The following WDR19 variants were observed in gnomAD, a reference collection of about 807,000 sequenced individuals.
WDR19 encodes the protein WD repeat-containing protein 19.
In WDR19, 121 loss-of-function variants were observed where a neutral mutation model predicts 180.0. That is an observed-to-expected ratio of 0.67 (90% CI 0.58 to 0.78). The LOEUF (loss-of-function observed/expected upper bound fraction) is 0.78. Ranked by LOEUF, WDR19 falls within the 30% of genes least tolerant of loss-of-function variation. The pLI is 0.00. For missense variants in WDR19, 1,450 were observed against 1,640.7 expected, an observed-to-expected ratio of 0.88 and a Z score of 2.01; for synonymous variants, 497 against 540.7, an observed-to-expected ratio of 0.92 and a Z score of 1.12.
chr4:39,266,267 A>G (rs974335059), intron 29 of WDR19, 127 bp downstream of exon 29: 9 of 671,448 alleles, frequency 1.3e-5, no homozygotes, highest in African/African-American at 6.7e-5. Flanking sequence ...AGTGTAGATC[A>G]TCTAGACCAG....
At position 39,228,518 on chromosome 4, in the gene WDR19, G is replaced by A; in HGVS notation, c.1810G>A (p.Val604Ile). 6.2e-7 allele frequency: 1 copy of A among 1,613,892 alleles called. No individual in the cohort carries two copies. Among genetic ancestry groups the A allele is most frequent in the Non-Finnish European group, 8.5e-7 (1 of 1,179,812 alleles). ...GGTTATTTTGGCTGGTAGCACCAAA[G>A]TTCCTTTTGCTCATAAACCTTTGCT... ...AKVILAGSTKVPFAHKPLLLY... is the reference protein window; with the variant it reads ...AKVILAGSTKIPFAHKPLLLY... Residue 604 changes from valine (V) to isoleucine (I), a missense_variant, in exon 17 of 37, where the codon GTT becomes ATT. Coordinates refer to ENST00000399820, the MANE Select transcript of WDR19 (RefSeq NM_025132.4).
At chr4:39,214,549 G>A (rs977813748) in intron 9 of WDR19, 52 bp from the exon 10 acceptor site, 2 of 1,110,418 alleles carry the variant, frequency 1.8e-6, no homozygotes, top group Admixed American at 2.3e-5. Flanking sequence ...AATTAAAACA[G>A]TTTTATATAA....
At chr4:39,203,485 G>GT (rs1486455354) in intron 6 of WDR19, among the ~76,000 whole-genome samples, 157 bp from the exon 7 acceptor site, 1 of 151,922 alleles carries the variant, frequency 6.6e-6, no homozygotes, top group African/African-American at 2.4e-5. Context: ...TATATTTTCT[G>GT]TTTCATCTAG....
At chr4:39,248,318 C>T (rs1371257344) in intron 24 of WDR19, among the ~76,000 whole-genome samples, 1 of 152,110 alleles carries the variant, frequency 6.6e-6, no homozygotes, top group Non-Finnish European at 1.5e-5. Context: ...ATGTTGTCAC[C>T]ACCAGGCCTT....
At chr4:39,215,567 CAA>C (rs1728984420) in intron 10 of WDR19, among the ~76,000 whole-genome samples, 1 of 152,052 alleles carries the variant, frequency 6.6e-6, no homozygotes, top group South Asian at 2.1e-4. Context: ...CACACAACAA[CAA>C]AGTCACCTAA....
chr4:39,247,798 T>C (rs1464134927), intron 24 of WDR19, among the ~76,000 whole-genome samples: 1 of 152,044 alleles, frequency 6.6e-6, no homozygotes, highest in East Asian at 1.9e-4. Context: ...AAGAGAAGTT[T>C]AGAGAAAAAA....
At chr4:39,272,223 G>A (rs1735445993) in intron 31 of WDR19, among the ~76,000 whole-genome samples, 1 of 152,188 alleles carries the variant, frequency 6.6e-6, no homozygotes, top group Non-Finnish European at 1.5e-5. Flanking sequence ...GAAACACATT[G>A]GTGAAAGATG....
At chr4:39,195,550 C>T (rs1193165009) in intron 5 of WDR19, among the ~76,000 whole-genome samples, 1 of 152,012 alleles carries the variant, frequency 6.6e-6, no homozygotes, top group East Asian at 1.9e-4. Context: ...CTTGTTTGAC[C>T]TTCTTGTTTT....
At chr4:39,200,331 A>T (rs1389004536) in intron 6 of WDR19, among the ~76,000 whole-genome samples, 2 of 152,174 alleles carry the variant, frequency 1.3e-5, no homozygotes, top group African/African-American at 4.8e-5. Flanking sequence ...AACAACACTT[A>T]CTATTTCATG....
At chr4:39,201,636 A>G (rs780199316) in intron 6 of WDR19, among the ~76,000 whole-genome samples, 5 of 152,228 alleles carry the variant, frequency 3.3e-5, no homozygotes, top group Admixed American at 6.5e-5. Context: ...TCTATTTTCA[A>G]TGCCCTTTAG....
intron 24 of WDR19, among the ~76,000 whole-genome samples, chr4:39,247,908 G>C (rs1175623069): frequency 6.6e-6 from 1 of 152,174 alleles, no homozygotes; most frequent in Non-Finnish European, 1.5e-5. Flanking sequence ...GGGGAGAATG[G>C]AACCAAGTTG....
At chr4:39,233,489 T>C (rs1416026537) in intron 19 of WDR19, among the ~76,000 whole-genome samples, 1 of 152,180 alleles carries the variant, frequency 6.6e-6, no homozygotes, top group African/African-American at 2.4e-5. Flanking sequence ...ATGAGGTCTT[T>C]TAGCACAGTG....
intron 28 of WDR19, among the ~76,000 whole-genome samples, chr4:39,264,046 A>G (rs1734556208): frequency 6.6e-6 from 1 of 152,064 alleles, no homozygotes; most frequent in South Asian, 2.1e-4. Context: ...TTAACTGGGA[A>G]TCCTGTATTT....
intron 1 of WDR19, among the ~76,000 whole-genome samples, chr4:39,184,172 C>T (rs1725269244): frequency 6.6e-6 from 1 of 152,012 alleles, no homozygotes; most frequent in South Asian, 2.1e-4. Flanking sequence ...TTTGGGACGC[C>T]GAGGCAGGTG....
chr4:39,185,954 G>T, intron 2 of WDR19, 137 bp downstream of exon 2: 1 of 702,122 alleles, frequency 1.4e-6, no homozygotes, highest in Non-Finnish European at 2.2e-6. Context: ...GGAGTGCAGT[G>T]GCACGATCTC....
intron 36 of WDR19, among the ~76,000 whole-genome samples, chr4:39,280,141 T>TTTA (rs368949539): frequency 6.8e-5 from 6 of 88,348 alleles, no homozygotes; most frequent in Non-Finnish European, 8.7e-5. Context: ...TTTTTTTTTT[T>TTTA]AATAGAGGCA....
chr4:39,207,436 A>G (rs183417314), intron 9 of WDR19, among the ~76,000 whole-genome samples: 168 of 152,326 alleles, frequency 1.1e-3, no homozygotes, highest in African/African-American at 3.9e-3. Flanking sequence ...CAAGTCCCCA[A>G]AAGGATAAAC....
At chr4:39,187,621 ACTCT>A (rs561814861) in intron 3 of WDR19, among the ~76,000 whole-genome samples, 164 of 152,076 alleles carry the variant, frequency 1.1e-3, no homozygotes, top group African/African-American at 3.8e-3. Flanking sequence ...TTTTCCATTA[ACTCT>A]CTTAATTGTG....
At chr4:39,232,097 CT>C in intron 18 of WDR19, 64 bp from the exon 19 acceptor site, 2 of 1,471,026 alleles carry the variant, frequency 1.4e-6, no homozygotes, top group South Asian at 1.2e-5. Context: ...GATCAAAGTC[CT>C]TAAAAAAAAA....
Sources: gnomAD v4.1 joint callset for allele counts (sites outside exome capture counted in the v4.1 genomes callset) on GRCh38, gnomAD v4.1.1 for gene constraint, MANE v1.5 for transcripts, NCBI Gene and HGNC (gene_info 2026-07-23, HGNC 2026-07-21) for gene names.